SPATA6L: variants seen among roughly 807,000 people sequenced by gnomAD.
SPATA6L encodes spermatogenesis associated 6 like, also known as spermatogenesis associated 6-like protein.
In SPATA6L, 68 loss-of-function variants were observed where a neutral mutation model predicts 49.2. That is an observed-to-expected ratio of 1.38 (90% confidence interval 1.14 to 1.69). The LOEUF (loss-of-function observed/expected upper bound fraction) is 1.69. Among genes scored for constraint, SPATA6L ranks in the 40% most tolerant of loss-of-function variants. SPATA6L has a pLI of 0.00. For synonymous variants in SPATA6L, 198 were observed against 165.7 expected (o/e 1.19, Z -1.50); for missense variants, 668 against 464.3 (o/e 1.44, Z -4.03).
Position 4,662,462 on chromosome 9 carries a change from T to C in SPATA6L, c.40-426A>G, listed in dbSNP as rs980078358. 11 of 1,545,280 alleles carry C rather than the reference T, an allele frequency of 7.1e-6. No individual in the cohort carries two copies. In the Admixed American group the frequency reaches 1.5e-4, roughly 22 times the overall value. The stretch of plus-strand genomic sequence containing the variant: ...GCAGCAGCCCCGGCAGCCCAGCCCA[T>C]GGCGGCGGTGGCGGCGGCAGCAGGT... On this transcript the variant is annotated intron_variant, in intron 1 of 11. Coordinates refer to ENST00000682582, the MANE Select transcript of SPATA6L (RefSeq NM_001353486.2). The surrounding 1 kb of genome is among the most constrained non-coding windows in gnomAD (Gnocchi z 4.9).
chr9:4,657,998 A>C (rs117359391), intron 2 of SPATA6L, among the ~76,000 whole-genome samples: 1,996 of 152,210 alleles, frequency 0.013, 31 homozygotes, highest in Non-Finnish European at 0.019. Flanking sequence ...ATGCCGTGTA[A>C]ATATTGGAAT....
At chr9:4,660,628 C>T (rs565081431) in intron 2 of SPATA6L, among the ~76,000 whole-genome samples, 134 of 152,216 alleles carry the variant, frequency 8.8e-4, no homozygotes, top group Non-Finnish European at 1.7e-3. Flanking sequence ...TGTGGTGATT[C>T]CTCAAGGATC....
rs1840844309 is a variant in SPATA6L, at chr9:4,666,207, C to G, written c.39+5G>C. The G allele has an allele frequency of 1.2e-6, 2 of 1,614,140 alleles. No individual in the cohort carries two copies. The highest frequency in any genetic ancestry group is 1.7e-6 in the Non-Finnish European group (2 of 1,180,022). On this transcript the variant is annotated splice_donor_5th_base_variant and intron_variant, in intron 1 of 11. Coordinates refer to ENST00000682582, the MANE Select transcript of SPATA6L (RefSeq NM_001353486.2). Reference sequence around the variant, plus strand: ...TTAAGGAGGGGGAGTTCATCGATCTCTTACCGCCCGGATCTGCAGCTCCAC... The same window carrying G: ...TTAAGGAGGGGGAGTTCATCGATCTGTTACCGCCCGGATCTGCAGCTCCAC...
chr9:4,645,304 G>C (rs1013788371), intron 3 of SPATA6L, among the ~76,000 whole-genome samples: 5 of 152,116 alleles, frequency 3.3e-5, no homozygotes, highest in African/African-American at 1.2e-4. Flanking sequence ...CCAAAAAGTA[G>C]AAATGTCTTA....
chr9:4,654,798 T>A (rs1264210376), intron 3 of SPATA6L, among the ~76,000 whole-genome samples: 1 of 152,074 alleles, frequency 6.6e-6, no homozygotes, highest in Non-Finnish European at 1.5e-5. Flanking sequence ...CTTGCTAGGG[T>A]CTCCGTCTGT....
At position 4,662,326 on chromosome 9, in the gene SPATA6L, A is replaced by T; in HGVS notation, c.40-290T>A. 2.1e-6 allele frequency: 3 copies of T among 1,447,754 alleles called. 1 individual carries two copies. The highest frequency in any genetic ancestry group is 2.9e-5 in the South Asian group (2 of 69,954). 89.7% of individuals were successfully genotyped at this position (1,447,754 alleles called of 1,614,324 possible). A position where few individuals can be genotyped will look rare whatever the true frequency, so the allele number is the denominator to read the frequency against. The stretch of plus-strand genomic sequence containing the variant: ...AAGCGGAAGAGGCTGCAGGGCCGGG[A>T]AGCCTCTGTTTGGTCCGGCCAGGTC... On this transcript the variant is annotated intron_variant, in intron 1 of 11. Coordinates refer to ENST00000682582, the MANE Select transcript of SPATA6L (RefSeq NM_001353486.2). The surrounding 1 kb of genome is among the most constrained non-coding windows in gnomAD (Gnocchi z 4.9).
At chr9:4,628,396 T>TA (rs1167049543) in intron 5 of SPATA6L, 3 of 152,096 alleles carry the variant, frequency 2.0e-5, no homozygotes, top group South Asian at 4.1e-4. Context: ...TACGTACCCA[T>TA]AAAAAATTAA....
rs1037019853 is a variant in SPATA6L, at chr9:4,602,172, T to C, written c.*2-1363A>G. On this transcript the variant is annotated intron_variant, in intron 11 of 11. Transcript: ENST00000682582. The stretch of plus-strand genomic sequence containing the variant: ...TTTTTCTTTTCTTACCTTCTCTCTA[T>C]CCCCCCACATCAATGTCCACATATC... Among the ~76,000 whole-genome samples, 3 of 151,650 alleles carry C rather than the reference T, an allele frequency of 2.0e-5. No homozygotes were observed. The South Asian group carries it at 6.3e-4, about 32-fold the overall frequency.
chr9:4,663,562 G>A (rs771413393), intron 1 of SPATA6L: 32 of 332,430 alleles, frequency 9.6e-5, no homozygotes, highest in Non-Finnish European at 1.7e-4. Context: ...TTATACTGTT[G>A]CTGTTAAAAG....
At position 4,666,358 on chromosome 9, in the gene SPATA6L, G is replaced by A; in HGVS notation, c.-108C>T. 4 of 1,196,664 alleles carry A rather than the reference G, an allele frequency of 3.3e-6. No individual in the cohort carries two copies. The highest frequency in any genetic ancestry group is 4.9e-6 in the Non-Finnish European group (4 of 814,694). 74.1% of individuals were successfully genotyped at this position (1,196,664 alleles called of 1,614,324 possible). ...ATACCTAGAGCAAATGTTCCCAGAA[G>A]CTTCCCCAGTCCCACGCCCTTGTTC... On this transcript the variant is annotated 5_prime_UTR_variant, in exon 1 of 12. Transcript: ENST00000682582.
chr9:4,621,038 A>T (rs1829179645), intron 7 of SPATA6L, among the ~76,000 whole-genome samples: 1 of 152,196 alleles, frequency 6.6e-6, no homozygotes, highest in African/African-American at 2.4e-5. Context: ...TCCATAAGAG[A>T]CTTAAAAGTA....
downstream of SPATA6L, chr9:4,596,339 C>A (rs1822257294): frequency 6.6e-6 from 1 of 152,140 alleles, no homozygotes; most frequent in East Asian, 1.9e-4. Context: ...ACCCAGTGAA[C>A]AAAGGACGTC....
intron 6 of SPATA6L, 30 bp downstream of exon 6, chr9:4,625,297 A>G: frequency 6.3e-7 from 1 of 1,599,090 alleles, no homozygotes; most frequent in Non-Finnish European, 8.5e-7. Context: ...CACTATTGCA[A>G]AATGCTCTAA....
chr9:4,594,517 T>C (rs536778399), downstream of SPATA6L, among the ~76,000 whole-genome samples: 94 of 152,330 alleles, frequency 6.2e-4, no homozygotes, highest in African/African-American at 2.1e-3. Context: ...CAGCGGGGAA[T>C]TGTGTTTTTA....
At chr9:4,589,918 G>A (rs1821796542) in intron 13 of SPATA6L, among the ~76,000 whole-genome samples, 1 of 152,052 alleles carries the variant, frequency 6.6e-6, no homozygotes, top group South Asian at 2.1e-4. Flanking sequence ...AATTAGCTTT[G>A]GGAACTATAT....
chr9:4,657,979 A>G (rs1422833023), intron 2 of SPATA6L, among the ~76,000 whole-genome samples: 1 of 152,138 alleles, frequency 6.6e-6, no homozygotes, highest in Non-Finnish European at 1.5e-5. Flanking sequence ...CAGTACACAC[A>G]CAGAGTGAAT....
At chr9:4,593,240 C>G (rs565331027) in intron 13 of SPATA6L, among the ~76,000 whole-genome samples, 1 of 152,338 alleles carries the variant, frequency 6.6e-6, no homozygotes, top group South Asian at 2.1e-4. Context: ...TACAAGCTTT[C>G]TAATCATGAC....
intron 5 of SPATA6L, chr9:4,625,967 A>C (rs1272977691): frequency 6.3e-6 from 1 of 157,692 alleles, no homozygotes; most frequent in African/African-American, 2.4e-5. Context: ...TGATAGTTTA[A>C]AAGTTAGAAA....
chr9:4,615,386 G>A (rs368966118), intron 9 of SPATA6L, among the ~76,000 whole-genome samples: 58 of 152,126 alleles, frequency 3.8e-4, no homozygotes, highest in Non-Finnish European at 5.1e-4. Context: ...CCTGCTTTCC[G>A]TCTTAACCAC....
Sources: gnomAD v4.1 joint callset for allele counts (sites outside exome capture counted in the v4.1 genomes callset) on GRCh38, gnomAD v4.1.1 for gene constraint, Gnocchi (gnomAD v3.1) non-coding constraint, MANE v1.5 for transcripts, NCBI Gene and HGNC (gene_info 2026-07-23, HGNC 2026-07-21) for gene names.